Variants in JAK1 observed in about 807,000 individuals in gnomAD.
JAK1 encodes the protein Janus kinase 1, also known as tyrosine-protein kinase JAK1.
Under a neutral mutation model 136.6 loss-of-function variants are expected in JAK1, and 16 were observed. That is an observed-to-expected ratio of 0.12 (90% CI 0.08 to 0.18). The LOEUF (loss-of-function observed/expected upper bound fraction) is 0.18, where lower values mean the gene tolerates loss of function less well. Ranked by LOEUF, JAK1 falls within the 10% of genes least tolerant of loss-of-function variation. The pLI is 1.00. For synonymous variants in JAK1, 492 were observed against 519.5 expected, an observed-to-expected ratio of 0.95 and a Z score of 0.72; for missense variants, 859 against 1,450.1, an observed-to-expected ratio of 0.59 and a Z score of 6.62.
chr1:64,859,626 ATCTT>A (rs1656165275), intron 9 of JAK1: 1 of 152,248 alleles, frequency 6.6e-6, no homozygotes, highest in African/African-American at 2.4e-5. Flanking sequence ...TCATCATCTG[ATCTT>A]TCTTTTTCTT....
intron 1 of JAK1, among the ~76,000 whole-genome samples, chr1:64,934,919 T>G (rs1645761922): frequency 6.6e-6 from 1 of 152,204 alleles, no homozygotes; most frequent in Non-Finnish European, 1.5e-5. Context: ...GGTCCACTAG[T>G]AGGACCCTCC....
At chr1:64,925,460 TAAAAC>T (rs1467382163) in intron 1 of JAK1, among the ~76,000 whole-genome samples, 1 of 151,526 alleles carries the variant, frequency 6.6e-6, no homozygotes, top group Non-Finnish European at 1.5e-5. Context: ...TAAGGAAAAA[TAAAAC>T]AAGAAGAAGA....
intron 2 of JAK1, 102 bp from the exon 3 acceptor site, chr1:64,883,577 G>A (rs1430263764): frequency 2.1e-6 from 2 of 942,844 alleles, no homozygotes; most frequent in Non-Finnish European, 3.3e-6. Context: ...AACATTTGGT[G>A]TTGGTATTGG....
chr1:64,953,433 C>G (rs1287879413), intron 1 of JAK1, among the ~76,000 whole-genome samples: 1 of 152,088 alleles, frequency 6.6e-6, no homozygotes, highest in African/African-American at 2.4e-5. Flanking sequence ...AAGTCCAGCA[C>G]GCTTTTCATA....
chr1:64,874,964 G>A (rs575045662), intron 4 of JAK1, among the ~76,000 whole-genome samples: 1 of 152,182 alleles, frequency 6.6e-6, no homozygotes, highest in Non-Finnish European at 1.5e-5. Context: ...AATGGGGCAC[G>A]TATCACAAGC....
At chr1:64,853,237 T>G (rs1557635027) in intron 11 of JAK1, among the ~76,000 whole-genome samples, 1 of 152,188 alleles carries the variant, frequency 6.6e-6, no homozygotes, top group Non-Finnish European at 1.5e-5. Flanking sequence ...GGGACCTATG[T>G]AAGGAGGCCT....
chr1:64,880,977 A>ATAAT (rs1335827144), intron 3 of JAK1, among the ~76,000 whole-genome samples: 1 of 152,018 alleles, frequency 6.6e-6, no homozygotes, highest in Non-Finnish European at 1.5e-5. Context: ...AAATAAATAA[A>ATAAT]TAATTTTTTG....
chr1:64,841,542 A>T lies in JAK1; in HGVS notation c.2463T>A (p.Ala821=), dbSNP rs1210854967. Residue 821 remains alanine, a synonymous_variant, in exon 18 of 25, where the codon GCT becomes GCA. Coordinates refer to ENST00000342505, the MANE Select transcript of JAK1 (RefSeq NM_002227.4). ...AGTTCATGCAGCGGGTCATGAGGTC[A>T]GCCAGCTCCTTACATGATGGTGTCA... ...RPVTPSCKEL[A]DLMTRCMNYD... 1 of 1,614,170 alleles carries T rather than the reference A, an allele frequency of 6.2e-7. No individual in the cohort carries two copies. The highest frequency in any genetic ancestry group is 8.5e-7 in the Non-Finnish European group (1 of 1,180,008).
At chr1:64,893,211 G>A (rs1379881675) in intron 1 of JAK1, among the ~76,000 whole-genome samples, 2 of 152,160 alleles carry the variant, frequency 1.3e-5, no homozygotes, top group Admixed American at 6.6e-5. Flanking sequence ...AGAGTATGCA[G>A]ACAGGAAGAA....
intron 1 of JAK1, among the ~76,000 whole-genome samples, chr1:64,889,896 G>A (rs1570714666): frequency 2.0e-5 from 3 of 152,190 alleles, no homozygotes; most frequent in Admixed American, 6.5e-5. Context: ...GATTTTTACC[G>A]TTAAAAACAG....
chr1:64,984,785 G>A lies in JAK1; in HGVS notation c.-78+59695C>T. ...TAAAGATCAAGAAGGTAATGAGGAA[G>A]TCGGTGAAGATAATAAAAACGTAGG... On this transcript the variant is annotated intron_variant, in intron 2 of 25. Transcript: ENST00000671954. This position sits in a 1 kb window ranked among gnomAD's most constrained non-coding sequence, Gnocchi z 4.1. 1 of 1,024,346 alleles carries A rather than the reference G, an allele frequency of 9.8e-7. No individual in the cohort carries two copies. 63.5% of individuals were successfully genotyped at this position (1,024,346 alleles called of 1,614,324 possible). A position where few individuals can be genotyped will look rare whatever the true frequency, so the allele number is the denominator to read the frequency against.
At position 64,984,863 on chromosome 1, in the gene JAK1, G is replaced by A. The variant is rs1444473416; in HGVS notation, c.-78+59617C>T. On this transcript the variant is annotated intron_variant, in intron 2 of 25. Coordinates refer to the JAK1 transcript ENST00000671954. This position sits in a 1 kb window ranked among gnomAD's most constrained non-coding sequence, Gnocchi z 4.1. ...AAAGCAATCTGACTAGGAAGTTGGA[G>A]GTCCAGGTGGAGCAGCCGGCCACTG... is the stretch of plus-strand genomic sequence containing the variant. 2 of 1,187,296 alleles carry A rather than the reference G, an allele frequency of 1.7e-6. No homozygotes were observed. The highest frequency in any genetic ancestry group is 1.9e-4 in the Middle Eastern group (1 of 5,148). 73.5% of individuals were successfully genotyped at this position (1,187,296 alleles called of 1,614,324 possible). A position where few individuals can be genotyped will look rare whatever the true frequency, so the allele number is the denominator to read the frequency against.
At chr1:64,901,074 G>A (rs184359888) in intron 1 of JAK1, among the ~76,000 whole-genome samples, 8 of 152,202 alleles carry the variant, frequency 5.3e-5, no homozygotes, top group African/African-American at 1.4e-4. Flanking sequence ...ATCTGTCTTC[G>A]CTGTCTTTGA....
intron 1 of JAK1, among the ~76,000 whole-genome samples, chr1:64,923,241 G>A (rs1645526125): frequency 6.6e-6 from 1 of 152,064 alleles, no homozygotes; most frequent in Admixed American, 6.5e-5. Flanking sequence ...GTGTTTCTGG[G>A]ATCACTATTT....
At chr1:64,995,246 G>T (rs757882461) in intron 2 of JAK1, among the ~76,000 whole-genome samples, 10 of 151,936 alleles carry the variant, frequency 6.6e-5, no homozygotes, top group Non-Finnish European at 1.3e-4. Context: ...TAGCACAAAG[G>T]CTTAGGCTCA....
intron 2 of JAK1, among the ~76,000 whole-genome samples, chr1:64,980,694 G>C (rs1174855815): frequency 6.6e-6 from 1 of 151,678 alleles, no homozygotes; most frequent in African/African-American, 2.4e-5. Flanking sequence ...ATTTACATTA[G>C]GTATACCTCC....
chr1:64,941,926 C>T (rs1290905685), intron 1 of JAK1: 1 of 152,104 alleles, frequency 6.6e-6, no homozygotes, highest in Non-Finnish European at 1.5e-5. Flanking sequence ...TAGAGAAAGC[C>T]CTACCGACTG....
chr1:64,850,591 C>T (rs1416730982), intron 12 of JAK1, among the ~76,000 whole-genome samples: 1 of 152,238 alleles, frequency 6.6e-6, no homozygotes, highest in Non-Finnish European at 1.5e-5. Context: ...CTGACCAAAC[C>T]ACTTACCTCA....
At chr1:64,840,590 C>A (rs1654831668) in intron 19 of JAK1, among the ~76,000 whole-genome samples, 1 of 152,206 alleles carries the variant, frequency 6.6e-6, no homozygotes, top group Non-Finnish European at 1.5e-5. Context: ...ATAATCCCAG[C>A]ACTTTGGGAG....
Sources: allele counts gnomAD v4.1 joint callset (sites outside exome capture counted in the v4.1 genomes callset), GRCh38; gene constraint gnomAD v4.1.1; non-coding constraint Gnocchi (gnomAD v3.1); transcripts MANE v1.5; gene names NCBI Gene and HGNC (gene_info 2026-07-23, HGNC 2026-07-21).